MAP1B: variants seen among roughly 807,000 people sequenced by gnomAD.
MAP1B encodes microtubule-associated protein 1B.
MAP1B carries 12 observed loss-of-function variants against 176.1 expected under a neutral mutation model. The observed-to-expected ratio is 0.07, with a 90% CI of 0.04 to 0.11. The LOEUF (loss-of-function observed/expected upper bound fraction) is 0.11. Among genes scored for constraint, MAP1B ranks in the 10% least tolerant of loss-of-function variants. The probability of loss-of-function intolerance (pLI) is 1.00; values close to 1 mark genes in which losing one functional copy is unlikely to be tolerated. For missense variants in MAP1B, 2,523 were observed against 2,990.5 expected (o/e 0.84, Z 3.65); for synonymous variants, 1,044 against 1,135.0 (o/e 0.92, Z 1.61).
chr5:72,168,801 T>G (rs1198069565), intron 2 of MAP1B, among the ~76,000 whole-genome samples: 1 of 152,230 alleles, frequency 6.6e-6, no homozygotes, highest in Non-Finnish European at 1.5e-5. Context: ...CGTCTGTTGG[T>G]TCAGAGTACA....
At position 72,155,285 on chromosome 5, in the gene MAP1B, A is replaced by G. The variant is rs572639465; in HGVS notation, c.287-28458A>G. On this transcript the variant is annotated intron_variant, in intron 2 of 6. Coordinates refer to ENST00000296755, the MANE Select transcript of MAP1B (RefSeq NM_005909.5). ...GTGAAATGGCTTAAATTATAGGTCA[A>G]GGAGCTGGGATTTAATCCTGAGGGA... Among the ~76,000 whole-genome samples the G allele has an allele frequency of 2.6e-5, 4 of 152,320 alleles. No individual in the cohort carries two copies. The South Asian group carries it at 8.3e-4, about 32-fold the overall frequency.
At chr5:72,115,887 T>C in intron 2 of MAP1B, 88 bp downstream of exon 2, 1 of 891,472 alleles carries the variant, frequency 1.1e-6, no homozygotes, top group Non-Finnish European at 1.9e-6. Context: ...GCAAAAAGAC[T>C]CTCTTATTGC....
At chr5:72,109,245 AAAG>A (rs1745256208) in intron 1 of MAP1B, among the ~76,000 whole-genome samples, 1 of 143,746 alleles carries the variant, frequency 7.0e-6, no homozygotes, top group Non-Finnish European at 1.5e-5. Context: ...TAAAAAAAAA[AAAG>A]AAAAAAAATG....
At chr5:72,124,384 T>C (rs926728780) in intron 2 of MAP1B, among the ~76,000 whole-genome samples, 10 of 152,204 alleles carry the variant, frequency 6.6e-5, no homozygotes, top group Non-Finnish European at 1.5e-4. Context: ...TCTTCTAGGT[T>C]AAAGGATTGC....
chr5:72,161,453 C>G (rs1315637088), intron 2 of MAP1B, among the ~76,000 whole-genome samples: 1 of 152,184 alleles, frequency 6.6e-6, no homozygotes, highest in Non-Finnish European at 1.5e-5. Context: ...AAAAATACTG[C>G]TCTCTGTGAG....
chr5:72,199,179 A>G lies in MAP1B; in HGVS notation c.5824A>G (p.Ile1942Val). 6.2e-7 allele frequency: 1 copy of G among 1,614,148 alleles called. No individual in the cohort carries two copies. Among genetic ancestry groups the G allele is most frequent in the Non-Finnish European group, 8.5e-7 (1 of 1,180,022 alleles). ...TGAAGATGGTGACTATTCCTATGAA[A>G]TTATTGAGAAGACCACACGGACCCC... Reference protein sequence around the residue: ...TPEDGDYSYEIIEKTTRTPEE... With the variant: ...TPEDGDYSYEVIEKTTRTPEE... Residue 1942 changes from isoleucine (I) to valine (V), a missense_variant, in exon 5 of 7, where the codon ATT (isoleucine) becomes GTT (valine). Transcript: ENST00000296755. The surrounding 1 kb of genome is among the most constrained non-coding windows in gnomAD (Gnocchi z 4.2).
intron 2 of MAP1B, among the ~76,000 whole-genome samples, chr5:72,179,285 G>A (rs776835078): frequency 6.6e-6 from 1 of 152,120 alleles, no homozygotes; most frequent in East Asian, 1.9e-4. Flanking sequence ...GACCGATGCC[G>A]GGGAAAGTTA....
chr5:72,190,099 T>A (rs1273295433), intron 4 of MAP1B, among the ~76,000 whole-genome samples: 2 of 152,158 alleles, frequency 1.3e-5, no homozygotes, highest in Non-Finnish European at 2.9e-5. Context: ...CAGGAGTCAT[T>A]TGACCAGGTT....
rs1278168323 is a variant in MAP1B, at chr5:72,207,358, TG to T, written c.*2120del. The stretch of plus-strand genomic sequence containing the variant: ...ATTAACATTTTAGTTGATTTTTGTC[TG>T]ATAAGTCTATGTTTTGCACTGCTAA... On this transcript the variant is annotated 3_prime_UTR_variant, in exon 7 of 7. Coordinates refer to ENST00000296755, the MANE Select transcript of MAP1B (RefSeq NM_005909.5). The T allele has an allele frequency of 6.6e-6, 1 of 152,224 alleles. No individual in the cohort carries two copies. Among genetic ancestry groups the T allele is most frequent in the Non-Finnish European group, 1.5e-5 (1 of 68,044 alleles). 9.4% of individuals were successfully genotyped at this position (152,224 alleles called of 1,614,324 possible).
intron 2 of MAP1B, among the ~76,000 whole-genome samples, chr5:72,128,222 T>TA (rs1289720266): frequency 6.6e-6 from 1 of 152,166 alleles, no homozygotes; most frequent in Non-Finnish European, 1.5e-5. Flanking sequence ...TATTGGTAAT[T>TA]ATACTGTAAA....
At chr5:72,202,008 T>G (rs1747342618) in intron 5 of MAP1B, among the ~76,000 whole-genome samples, 1 of 152,204 alleles carries the variant, frequency 6.6e-6, no homozygotes, top group Non-Finnish European at 1.5e-5. Flanking sequence ...ATATACATCC[T>G]AGCCCACACA....
intron 4 of MAP1B, among the ~76,000 whole-genome samples, chr5:72,189,255 C>T (rs767955420): frequency 5.3e-5 from 8 of 152,162 alleles, no homozygotes; most frequent in African/African-American, 4.8e-5. Flanking sequence ...AACTAACAGA[C>T]GGTACAATTG....
intron 4 of MAP1B, among the ~76,000 whole-genome samples, chr5:72,192,968 CCA>C (rs1747055816): frequency 1.3e-5 from 2 of 152,164 alleles, no homozygotes; most frequent in Non-Finnish European, 2.9e-5. Flanking sequence ...AATGTTTCAG[CCA>C]CATTTGATCT....
At position 72,108,433 on chromosome 5, in the gene MAP1B, C is replaced by T. The variant is rs1745180664; in HGVS notation, c.184+718C>T. On this transcript the variant is annotated intron_variant, in intron 1 of 6. Coordinates refer to ENST00000296755, the MANE Select transcript of MAP1B (RefSeq NM_005909.5). Reference sequence around the variant, plus strand: ...GACCCCAAGTTGCGGGGTGGGGCTGCTGCTTTTAGAAGTCCCAGCCTCGGG... The same window carrying T: ...GACCCCAAGTTGCGGGGTGGGGCTGTTGCTTTTAGAAGTCCCAGCCTCGGG... Among the ~76,000 whole-genome samples, 2 of 152,244 alleles carry T rather than the reference C, an allele frequency of 1.3e-5. 1 individual carries two copies. Among genetic ancestry groups the T allele is most frequent in the South Asian group, 4.1e-4 (2 of 4,834 alleles).
intron 2 of MAP1B, among the ~76,000 whole-genome samples, chr5:72,142,485 T>A (rs1745964529): frequency 6.6e-6 from 1 of 152,116 alleles, no homozygotes; most frequent in South Asian, 2.1e-4. Flanking sequence ...TACCTAGGCG[T>A]TTCTAAGCCA....
chr5:72,109,434 A>G (rs1331637708), intron 1 of MAP1B, among the ~76,000 whole-genome samples: 1 of 152,208 alleles, frequency 6.6e-6, no homozygotes, highest in East Asian at 1.9e-4. Flanking sequence ...AAAATTTTAC[A>G]CATACTGACT....
At chr5:72,177,974 C>G (rs1365585548) in intron 2 of MAP1B, among the ~76,000 whole-genome samples, 2 of 151,942 alleles carry the variant, frequency 1.3e-5, no homozygotes, top group African/African-American at 4.8e-5. Flanking sequence ...CCCTTCCCTC[C>G]TTCTCTTCTT....
At chr5:72,189,183 C>G (rs1746973082) in intron 4 of MAP1B, among the ~76,000 whole-genome samples, 2 of 152,120 alleles carry the variant, frequency 1.3e-5, no homozygotes, top group Non-Finnish European at 2.9e-5. Flanking sequence ...ATAGAACTAT[C>G]AGTACACTTT....
At chr5:72,179,326 T>C (rs765231193) in intron 2 of MAP1B, among the ~76,000 whole-genome samples, 7 of 152,196 alleles carry the variant, frequency 4.6e-5, no homozygotes, top group Non-Finnish European at 1.0e-4. Context: ...AGGGTTTCCC[T>C]GTGAGGTGTC....
Sources: allele counts gnomAD v4.1 joint callset (sites outside exome capture counted in the v4.1 genomes callset), GRCh38; gene constraint gnomAD v4.1.1; non-coding constraint Gnocchi (gnomAD v3.1); transcripts MANE v1.5; gene names NCBI Gene and HGNC (gene_info 2026-07-23, HGNC 2026-07-21).